Variants in SSH2 observed in about 807,000 individuals in gnomAD.
SSH2 encodes protein phosphatase Slingshot homolog 2.
Under a neutral mutation model 135.2 loss-of-function variants are expected in SSH2, and 37 were observed. That is an observed-to-expected ratio of 0.27 (90% CI 0.21 to 0.36). The LOEUF (loss-of-function observed/expected upper bound fraction) is 0.36, where lower values mean the gene tolerates loss of function less well. Ranked by LOEUF, SSH2 falls within the 10% of genes least tolerant of loss-of-function variation. SSH2 has a pLI of 1.00. For synonymous variants in SSH2, 628 were observed against 646.2 expected, an observed-to-expected ratio of 0.97 and a Z score of 0.43; for missense variants, 1,408 against 1,765.3, an observed-to-expected ratio of 0.80 and a Z score of 3.63.
Position 29,630,783 on chromosome 17 carries a change from T to TTACA in SSH2, c.*54_*57dup. The TTACA allele has an allele frequency of 1.4e-6, 2 of 1,480,024 alleles. No individual in the cohort carries two copies. Among genetic ancestry groups the TTACA allele is most frequent in the Non-Finnish European group, 1.8e-6 (2 of 1,101,812 alleles). 91.7% of individuals were successfully genotyped at this position (1,480,024 alleles called of 1,614,324 possible). A position where few individuals can be genotyped will look rare whatever the true frequency, so the allele number is the denominator to read the frequency against. ...CAATAAAGTGCATGTTCCTTACATA[T>TTACA]TACACCTGCCCCTTTTACAAACATT... On this transcript the variant is annotated 3_prime_UTR_variant, in exon 16 of 16. Coordinates refer to ENST00000540801, the MANE Select transcript of SSH2 (RefSeq NM_001282129.2).
Position 29,631,306 on chromosome 17 carries a change from AC to A in SSH2, c.3887del (p.Cys1296LeufsTer40). On this transcript the variant is annotated frameshift_variant, in exon 16 of 16. Transcript: ENST00000540801. LOFTEE classifies it high-confidence loss of function. ...GCTCCCTCTCTGGTAAGCAGTCTTT[AC>A]AGAGGTCCAAGTAACCTAATTTGGC... ...SLAKLGYLDL[C>X]KDCLPEREPA... 1 of 1,614,158 alleles carries A rather than the reference AC, an allele frequency of 6.2e-7. No homozygotes were observed. The highest frequency in any genetic ancestry group is 8.5e-7 in the Non-Finnish European group (1 of 1,180,030).
At chr17:29,907,174 T>C (rs2066669343) in intron 1 of SSH2, among the ~76,000 whole-genome samples, 1 of 152,196 alleles carries the variant, frequency 6.6e-6, no homozygotes, top group Admixed American at 6.5e-5. Context: ...TGGAATACTA[T>C]GCAGTCATAA....
chr17:29,821,022 A>C (rs1013816331), intron 2 of SSH2, among the ~76,000 whole-genome samples: 11 of 152,258 alleles, frequency 7.2e-5, no homozygotes, highest in Middle Eastern at 6.8e-3. Flanking sequence ...AACCATATCA[A>C]GTTATTCTTA....
intron 1 of SSH2, among the ~76,000 whole-genome samples, chr17:29,907,446 T>C (rs1401977053): frequency 6.6e-6 from 1 of 152,166 alleles, no homozygotes; most frequent in Non-Finnish European, 1.5e-5. Context: ...TGGCAAACCA[T>C]CATGGTACAT....
chr17:29,761,000 T>TC, intron 3 of SSH2: 1 of 750,004 alleles, frequency 1.3e-6, no homozygotes, highest in Non-Finnish European at 1.9e-6. Flanking sequence ...CCAGCATCCT[T>TC]CCCTCCAGAC....
chr17:29,852,117 A>G (rs1599092382), intron 1 of SSH2, among the ~76,000 whole-genome samples: 1 of 151,812 alleles, frequency 6.6e-6, no homozygotes, highest in East Asian at 1.9e-4. Flanking sequence ...ACCCGTCTCT[A>G]CTAAAAATAC....
chr17:29,639,255 C>T (rs2036046518), intron 14 of SSH2, among the ~76,000 whole-genome samples: 1 of 152,060 alleles, frequency 6.6e-6, no homozygotes, highest in Non-Finnish European at 1.5e-5. Flanking sequence ...AAACAGTTCC[C>T]AAAACCCCAG....
chr17:29,825,663 G>A (rs1368912156), intron 2 of SSH2, among the ~76,000 whole-genome samples: 1 of 152,164 alleles, frequency 6.6e-6, no homozygotes, highest in African/African-American at 2.4e-5. Context: ...CTGCAAATCA[G>A]GCTTTTGTTT....
chr17:29,845,331 C>A (rs1425669720), intron 2 of SSH2, among the ~76,000 whole-genome samples: 3 of 152,012 alleles, frequency 2.0e-5, no homozygotes. Context: ...GTTAAGGCTT[C>A]AAATTACAAA....
At position 29,848,853 on chromosome 17, in the gene SSH2, G is replaced by A. The variant is rs1022104050; in HGVS notation, c.140C>T (p.Ser47Phe). ...TAAAAACATATACCTACGTACATTG[G>A]AATCAGTAAAGATTTCTGATTCTTC... is the stretch of plus-strand genomic sequence containing the variant. The part of the protein sequence containing the change: ...ECEESEIFTD[S>F]NEADSGEEEC... The change falls in exon 2 of 16, where the codon TCC (serine) becomes TTC (phenylalanine). Residue 47 changes from serine (S) to phenylalanine (F), a missense_variant. Physicochemically the swap from Ser to Phe is radical, Grantham distance 155. This residue lies in a region of SSH2 where 222 missense variants were observed against 355.6 expected (regional missense o/e 0.62). Transcript: ENST00000540801. 2.6e-6 allele frequency: 4 copies of A among 1,527,798 alleles called. No homozygotes were observed. Among genetic ancestry groups the A allele is most frequent in the Non-Finnish European group, 2.6e-6 (3 of 1,140,096 alleles). 94.6% of individuals were successfully genotyped at this position (1,527,798 alleles called of 1,614,324 possible). A position where few individuals can be genotyped will look rare whatever the true frequency, so the allele number is the denominator to read the frequency against.
intron 1 of SSH2, among the ~76,000 whole-genome samples, chr17:29,872,245 G>T (rs978387429): frequency 1.3e-5 from 2 of 152,130 alleles, no homozygotes; most frequent in Admixed American, 1.3e-4. Context: ...CATGGAATTG[G>T]TGACTATTAT....
At chr17:29,776,619 C>G (rs954857193) in intron 3 of SSH2, 1 of 152,212 alleles carries the variant, frequency 6.6e-6, no homozygotes, top group Non-Finnish European at 1.5e-5. Flanking sequence ...TTGCATGGAT[C>G]TTTTGGAATT....
At chr17:29,743,593 C>G (rs1451794329) in intron 3 of SSH2, among the ~76,000 whole-genome samples, 2 of 152,128 alleles carry the variant, frequency 1.3e-5, no homozygotes, top group Non-Finnish European at 2.9e-5. Context: ...GGGAGAGCCA[C>G]AGGGGTGAAT....
chr17:29,723,667 T>C (rs1157369294), intron 3 of SSH2, among the ~76,000 whole-genome samples: 1 of 152,050 alleles, frequency 6.6e-6, no homozygotes, highest in Non-Finnish European at 1.5e-5. Context: ...TCTTTAATGA[T>C]ATTATTCTGT....
intron 8 of SSH2, 57 bp from the exon 9 acceptor site, chr17:29,672,186 A>G: frequency 1.5e-6 from 2 of 1,377,462 alleles, no homozygotes; most frequent in Non-Finnish European, 2.0e-6. Flanking sequence ...AAAGGCCAAT[A>G]ACCTGTGTAC....
chr17:29,762,431 G>A (rs2041345835), intron 3 of SSH2, among the ~76,000 whole-genome samples: 1 of 152,146 alleles, frequency 6.6e-6, no homozygotes, highest in South Asian at 2.1e-4. Context: ...ATTTTTCAAA[G>A]CTCCCCAGGT....
intron 2 of SSH2, among the ~76,000 whole-genome samples, chr17:29,814,949 C>CTT (rs1027393693): frequency 3.0e-5 from 4 of 132,358 alleles, no homozygotes; most frequent in East Asian, 2.1e-4. Context: ...CCTTTTCTTT[C>CTT]TTTTTTTTTT....
chr17:29,684,483 T>TAAAAA (rs11307211), intron 6 of SSH2, 80 bp downstream of exon 6: 6 of 956,416 alleles, frequency 6.3e-6, no homozygotes, highest in Non-Finnish European at 7.1e-6. Flanking sequence ...CCGTCCCCAT[T>TAAAAA]AAAAAAAAAA....
At chr17:29,686,738 G>A (rs1279957734) in intron 5 of SSH2, among the ~76,000 whole-genome samples, 5 of 151,950 alleles carry the variant, frequency 3.3e-5, no homozygotes, top group South Asian at 2.1e-4. Flanking sequence ...GCGTGATCTC[G>A]GCTCACTGCA....
Sources: allele counts gnomAD v4.1 joint callset (sites outside exome capture counted in the v4.1 genomes callset), GRCh38; gene constraint gnomAD v4.1.1; regional missense constraint gnomAD v4.1.1; transcripts MANE v1.5; gene names NCBI Gene and HGNC (gene_info 2026-07-23, HGNC 2026-07-21).